Variants in OTUD7A observed in about 807,000 individuals in gnomAD.
OTUD7A encodes OTU deubiquitinase 7A.
Under a neutral mutation model 65.7 loss-of-function variants are expected in OTUD7A, and 12 were observed. That is an observed-to-expected ratio of 0.18 (90% CI 0.12 to 0.30). The LOEUF is 0.30. Ranked by LOEUF, OTUD7A falls within the 10% of genes least tolerant of loss-of-function variation. The pLI, the probability that OTUD7A is intolerant of heterozygous loss-of-function variation, is 1.00. For synonymous variants in OTUD7A, 641 were observed against 586.3 expected (o/e 1.09, Z -1.35); for missense variants, 1,148 against 1,304.8 (o/e 0.88, Z 1.85).
chr15:31,870,330 G>T (rs1021276903), intron 1 of OTUD7A, among the ~76,000 whole-genome samples, 177 bp downstream of exon 1: 1 of 146,514 alleles, frequency 6.8e-6, no homozygotes, highest in African/African-American at 2.4e-5. Flanking sequence ...GCCGGGGCCC[G>T]CGCCCCCCGC....
chr15:31,811,339 G>A (rs1291915397), intron 1 of OTUD7A, among the ~76,000 whole-genome samples: 1 of 151,906 alleles, frequency 6.6e-6, no homozygotes, highest in East Asian at 1.9e-4. Context: ...TGGTATGTGT[G>A]TAAGTGCGTG....
chr15:31,681,605 T>C (rs1336496250), intron 1 of OTUD7A, among the ~76,000 whole-genome samples: 18 of 139,748 alleles, frequency 1.3e-4, no homozygotes, highest in African/African-American at 4.8e-4. Context: ...CTCCCTCCTT[T>C]CCTTTCTCCC....
At chr15:31,837,133 G>A (rs945690268) in intron 1 of OTUD7A, among the ~76,000 whole-genome samples, 1 of 152,124 alleles carries the variant, frequency 6.6e-6, no homozygotes, top group Non-Finnish European at 1.5e-5. Context: ...AATTCAGCAA[G>A]GTCACAAGAT....
At chr15:31,769,909 A>G (rs779350239) in intron 1 of OTUD7A, among the ~76,000 whole-genome samples, 15 of 152,236 alleles carry the variant, frequency 9.9e-5, no homozygotes, top group Non-Finnish European at 1.8e-4. Context: ...AATAAAATCT[A>G]TATGTGTGTT....
chr15:31,822,217 T>C (rs1470576458), intron 1 of OTUD7A, among the ~76,000 whole-genome samples: 1 of 152,222 alleles, frequency 6.6e-6, no homozygotes, highest in East Asian at 1.9e-4. Flanking sequence ...CTCCCATGTG[T>C]ATGAGGAACT....
At position 31,870,531 on chromosome 15, in the gene OTUD7A, C is replaced by A. The variant is rs2141027419; in HGVS notation, c.-124G>T. On this transcript the variant is annotated 5_prime_UTR_variant, in exon 1 of 13. Coordinates refer to ENST00000307050, the MANE Select transcript of OTUD7A (RefSeq NM_001382637.1). ...CCTGCCGCGCCGCGCCGCTCCGCTC[C>A]GCCAGCCCGCAGCGCCGCAGTCGCC... is the stretch of plus-strand genomic sequence containing the variant. 1 of 149,026 alleles carries A rather than the reference C, an allele frequency of 6.7e-6. No homozygotes were observed. Among genetic ancestry groups the A allele is most frequent in the African/African-American group, 2.4e-5 (1 of 41,134 alleles). 9.2% of individuals were successfully genotyped at this position (149,026 alleles called of 1,614,324 possible). A position where few individuals can be genotyped will look rare whatever the true frequency, so the allele number is the denominator to read the frequency against.
At chr15:31,576,730 TCAA>T (rs1298119567) in intron 3 of OTUD7A, among the ~76,000 whole-genome samples, 1 of 152,188 alleles carries the variant, frequency 6.6e-6, no homozygotes, top group Non-Finnish European at 1.5e-5. Flanking sequence ...AATCTTTTTG[TCAA>T]CAACAACATA....
intron 3 of OTUD7A, among the ~76,000 whole-genome samples, chr15:31,639,731 C>A (rs538919186): frequency 6.6e-6 from 1 of 152,264 alleles, no homozygotes; most frequent in African/African-American, 2.4e-5. Context: ...AGTGCTATCT[C>A]ATTCTGGCTT....
At chr15:31,853,286 G>C (rs1370355627) in intron 1 of OTUD7A, among the ~76,000 whole-genome samples, 2 of 152,198 alleles carry the variant, frequency 1.3e-5, no homozygotes, top group Non-Finnish European at 2.9e-5. Context: ...TCATCCAGCA[G>C]ACAGCAGCTT....
intron 1 of OTUD7A, among the ~76,000 whole-genome samples, chr15:31,675,846 T>C (rs1214164591): frequency 6.6e-6 from 1 of 152,208 alleles, no homozygotes; most frequent in African/African-American, 2.4e-5. Context: ...AGGAAACCTT[T>C]ATTTTTTTTC....
At chr15:31,837,073 C>T (rs1209226946) in intron 1 of OTUD7A, among the ~76,000 whole-genome samples, 3 of 152,086 alleles carry the variant, frequency 2.0e-5, no homozygotes, top group African/African-American at 7.2e-5. Context: ...ATAACATAGT[C>T]TACATAGAAA....
At chr15:31,658,334 T>G (rs11856766) in intron 1 of OTUD7A, among the ~76,000 whole-genome samples, 6,603 of 152,172 alleles carry the variant, frequency 0.043, 431 homozygotes, top group African/African-American at 0.14. Context: ...GAAAACTGCT[T>G]CCACCAGCTT....
chr15:31,610,617 A>ATATATATATATATATATTTTTTT, intron 3 of OTUD7A, among the ~76,000 whole-genome samples: 1 of 30,562 alleles, frequency 3.3e-5, no homozygotes, highest in African/African-American at 1.7e-4. Context: ...ATATATATAT[A>ATATATATATATATATATTTTTTT]TTTTTTTTTT....
In OTUD7A at chr15:31,549,088, A is replaced by G. The variant is rs558916236; in HGVS notation, c.550+9881T>C. Among the ~76,000 whole-genome samples the G allele has an allele frequency of 2.0e-5, 3 of 150,982 alleles. No individual in the cohort carries two copies. In the East Asian group the frequency reaches 5.9e-4, roughly 30 times the overall value. On this transcript the variant is annotated intron_variant, in intron 5 of 12. Transcript: ENST00000307050. ...GAGACACAGGCTGGAGTGAGCTGAC[A>G]TCGTGCCACTGCACTCCAGCCTGGG...
intron 1 of OTUD7A, among the ~76,000 whole-genome samples, chr15:31,855,949 T>C (rs565199231): frequency 6.6e-6 from 1 of 152,266 alleles, no homozygotes; most frequent in South Asian, 2.1e-4. Flanking sequence ...ATAAATTGAG[T>C]GGCCGGGGGA....
chr15:31,588,882 G>A (rs1009183439), intron 3 of OTUD7A, among the ~76,000 whole-genome samples: 6 of 152,192 alleles, frequency 3.9e-5, no homozygotes, highest in African/African-American at 9.7e-5. Context: ...AGGGGAGGAG[G>A]GCCTCTTCCT....
At chr15:31,859,258 ACAT>A (rs1343651706) in intron 1 of OTUD7A, among the ~76,000 whole-genome samples, 1 of 152,188 alleles carries the variant, frequency 6.6e-6, no homozygotes, top group Non-Finnish European at 1.5e-5. Flanking sequence ...GGTGTACAAC[ACAT>A]CATGTTGTAC....
chr15:31,738,743 T>C (rs1200082246), intron 1 of OTUD7A, among the ~76,000 whole-genome samples: 2 of 152,202 alleles, frequency 1.3e-5, no homozygotes, highest in East Asian at 3.8e-4. Context: ...AAAATGATTG[T>C]TTCTTGGGAT....
At chr15:31,585,870 T>C (rs1163166540) in intron 3 of OTUD7A, among the ~76,000 whole-genome samples, 1 of 152,022 alleles carries the variant, frequency 6.6e-6, no homozygotes, top group East Asian at 1.9e-4. Flanking sequence ...ATGACATCAA[T>C]AGAGAGAGGA....
Sources: gnomAD v4.1 joint callset for allele counts (sites outside exome capture counted in the v4.1 genomes callset) on GRCh38, gnomAD v4.1.1 for gene constraint, MANE v1.5 for transcripts, NCBI Gene and HGNC (gene_info 2026-07-23, HGNC 2026-07-21) for gene names.